CAST: variants seen among roughly 807,000 people sequenced by gnomAD.
The protein encoded by CAST is calpastatin.
CAST carries 76 observed loss-of-function variants against 119.6 expected under a neutral mutation model. The observed-to-expected ratio is 0.64, with a 90% confidence interval of 0.53 to 0.77. CAST has a LOEUF of 0.77. Ranked by LOEUF, CAST falls within the 30% of genes least tolerant of loss-of-function variation. CAST has a pLI of 0.00. For synonymous variants in CAST, 319 were observed against 331.6 expected (o/e 0.96, Z 0.41); for missense variants, 953 against 946.5 (o/e 1.01, Z -0.09).
At chr5:96,632,586 T>C (rs980203638) in intron 1 of CAST, among the ~76,000 whole-genome samples, 1 of 152,172 alleles carries the variant, frequency 6.6e-6, no homozygotes, top group East Asian at 1.9e-4. Flanking sequence ...CTCTTATGAG[T>C]CTTTGATCTT....
chr5:96,723,157 G>T (rs111664702), intron 4 of CAST, among the ~76,000 whole-genome samples: 11,563 of 152,074 alleles, frequency 0.076, 705 homozygotes, highest in East Asian at 0.21. Context: ...TAGAGACAGG[G>T]TCTCACTGTG....
chr5:95,974,705 C>T, the CAST span, among the ~76,000 whole-genome samples: 1 of 152,090 alleles, frequency 6.6e-6, no homozygotes, highest in African/African-American at 2.4e-5. Flanking sequence ...TCATCCTTTG[C>T]TTTGTTTTTG....
At chr5:96,225,350 A>C in the CAST span, among the ~76,000 whole-genome samples, 1 of 151,928 alleles carries the variant, frequency 6.6e-6, no homozygotes, top group African/African-American at 2.4e-5. Context: ...AGAATGATAT[A>C]TACACATTAG....
Position 96,533,882 on chromosome 5 carries a change from C to T in CAST, c.60+4002C>T, listed in dbSNP as rs140188441. On this transcript the variant is annotated intron_variant, in intron 1 of 11. Coordinates refer to the CAST transcript ENST00000505143. The stretch of plus-strand genomic sequence containing the variant: ...TTGTGAGCTGAATTAGATACTTTGG[C>T]CATCCTACACCATTTTTAATTGATT... Among the ~76,000 whole-genome samples, 898 of 152,224 alleles carry T rather than the reference C, an allele frequency of 5.9e-3. 6 individuals are homozygous for T. Among genetic ancestry groups the T allele is most frequent in the African/African-American group, 0.021 (857 of 41,516 alleles).
At chr5:96,166,878 G>A in the CAST span, among the ~76,000 whole-genome samples, 1 of 151,596 alleles carries the variant, frequency 6.6e-6, no homozygotes, top group Non-Finnish European at 1.5e-5. Context: ...GTAAAGTGTT[G>A]GGGTGGTGAA....
At chr5:96,110,186 T>G in the CAST span, among the ~76,000 whole-genome samples, 1 of 152,206 alleles carries the variant, frequency 6.6e-6, no homozygotes, top group East Asian at 1.9e-4. Context: ...TCAGGATAGA[T>G]TTCCACAAAT....
At chr5:96,524,897 C>A (rs1745574622), upstream of CAST, among the ~76,000 whole-genome samples, 1 of 152,194 alleles carries the variant, frequency 6.6e-6, no homozygotes, top group Admixed American at 6.5e-5. Flanking sequence ...CTCAGGCCTC[C>A]TGGGTATTAA....
the CAST span, chr5:96,432,857 T>TC: frequency 6.2e-7 from 1 of 1,612,750 alleles, no homozygotes; most frequent in Non-Finnish European, 8.5e-7. Flanking sequence ...AAGTGGAAAC[T>TC]CTTACCTGAC....
chr5:96,412,752 G>GTTTTTTTTTTTTTGTTTTTT, the CAST span, among the ~76,000 whole-genome samples: 30 of 71,822 alleles, frequency 4.2e-4, no homozygotes, highest in African/African-American at 2.7e-3. Flanking sequence ...CAGCTGTGAT[G>GTTTTTTTTTTTTTGTTTTTT]TTTTTTTTTT....
chr5:96,639,667 A>G (rs905936336), intron 1 of CAST, among the ~76,000 whole-genome samples: 8 of 152,218 alleles, frequency 5.3e-5, no homozygotes, highest in Admixed American at 4.6e-4. Flanking sequence ...TGCAGGGACC[A>G]TATCAACCTA....
At chr5:96,351,248 T>C in the CAST span, among the ~76,000 whole-genome samples, 2 of 152,162 alleles carry the variant, frequency 1.3e-5, no homozygotes, top group Non-Finnish European at 2.9e-5. Flanking sequence ...TAATATTCAG[T>C]GCCCCACCTG....
the CAST span, among the ~76,000 whole-genome samples, chr5:95,998,366 T>G: frequency 2.0e-5 from 3 of 152,056 alleles, no homozygotes; most frequent in African/African-American, 7.2e-5. Context: ...ACCTGAATAG[T>G]GATCATTGTA....
the CAST span, among the ~76,000 whole-genome samples, chr5:96,486,263 G>A: frequency 1.3e-5 from 2 of 152,150 alleles, no homozygotes; most frequent in African/African-American, 4.8e-5. Context: ...TACAGCCCCA[G>A]AAGCATGGTC....
the CAST span, among the ~76,000 whole-genome samples, chr5:96,338,588 C>T: frequency 2.6e-5 from 4 of 152,272 alleles, no homozygotes; most frequent in Non-Finnish European, 5.9e-5. Flanking sequence ...GAGATTTAGT[C>T]TAAAGAGATT....
chr5:96,584,408 T>A (rs1746820031), intron 1 of CAST: 1 of 152,206 alleles, frequency 6.6e-6, no homozygotes, highest in African/African-American at 2.4e-5. Context: ...CTGACCTAGA[T>A]GGTAACCGCC....
At chr5:96,113,660 G>T in the CAST span, among the ~76,000 whole-genome samples, 2 of 152,250 alleles carry the variant, frequency 1.3e-5, no homozygotes, top group East Asian at 3.8e-4. Context: ...TGGTGCCAGG[G>T]AGCTGAAGCC....
chr5:95,961,548 G>A, the CAST span: 51 of 1,552,844 alleles, frequency 3.3e-5, no homozygotes, highest in Non-Finnish European at 4.1e-5. Flanking sequence ...GCCTCTCTGA[G>A]CCCAGCCTGC....
intron 1 of CAST, among the ~76,000 whole-genome samples, chr5:96,668,389 T>C (rs1329928783): frequency 6.6e-6 from 1 of 152,252 alleles, no homozygotes; most frequent in African/African-American, 2.4e-5. Flanking sequence ...AAGGTTCCTT[T>C]GTACTTTAGG....
the CAST span, among the ~76,000 whole-genome samples, chr5:96,008,824 T>C: frequency 1.3e-5 from 2 of 152,348 alleles, no homozygotes; most frequent in South Asian, 4.1e-4. Context: ...ATGTTTTGTT[T>C]TTTAAAAACT....
Sources: allele counts gnomAD v4.1 joint callset (sites outside exome capture counted in the v4.1 genomes callset), GRCh38; gene constraint gnomAD v4.1.1; transcripts MANE v1.5; gene names NCBI Gene and HGNC (gene_info 2026-07-23, HGNC 2026-07-21).